The following PLEKHA8 variants were observed in gnomAD, a reference collection of about 807,000 sequenced individuals.
The protein encoded by PLEKHA8 is pleckstrin homology domain-containing family A member 8.
A neutral mutation model predicts 68.2 loss-of-function variants in PLEKHA8; 36 were observed. The ratio of observed to expected loss-of-function variants is 0.53; its 90% CI spans 0.40 to 0.70. PLEKHA8 has a LOEUF of 0.70. Among genes scored for constraint, PLEKHA8 ranks in the 30% least tolerant of loss-of-function variants. The pLI, the probability that PLEKHA8 is intolerant of heterozygous loss-of-function variation, is 0.00. For synonymous variants in PLEKHA8, 211 were observed against 216.1 expected (o/e 0.98, Z 0.20); for missense variants, 505 against 615.4 (o/e 0.82, Z 1.90).
intron 1 of PLEKHA8, among the ~76,000 whole-genome samples, chr7:30,043,060 G>A (rs914211964): frequency 1.7e-4 from 26 of 151,934 alleles, no homozygotes; most frequent in Non-Finnish European, 3.2e-4. Flanking sequence ...GGAGTGCAGT[G>A]GCACAGTCAT....
At chr7:30,064,632 A>G (rs1793691248) in intron 12 of PLEKHA8, among the ~76,000 whole-genome samples, 1 of 152,224 alleles carries the variant, frequency 6.6e-6, no homozygotes, top group Non-Finnish European at 1.5e-5. Context: ...TGTCATCATT[A>G]TCATAATCAT....
In PLEKHA8 at chr7:30,082,339, T is replaced by C; in HGVS notation, c.*3552T>C. The stretch of plus-strand genomic sequence containing the variant: ...CCAAATCTACCCCCACTTATGTTTG[T>C]TCTGCCCCATTTCCCAGGAGCAGCT... On this transcript the variant is annotated 3_prime_UTR_variant, in exon 14 of 14. Coordinates refer to ENST00000449726, the MANE Select transcript of PLEKHA8 (RefSeq NM_001197026.2). 1 of 985,492 alleles carries C rather than the reference T, an allele frequency of 1.0e-6. No homozygotes were observed. Among genetic ancestry groups the C allele is most frequent in the Non-Finnish European group, 1.2e-6 (1 of 829,994 alleles). The allele number at this position is 985,492 out of a possible 1,614,324, so 61.0% of individuals were successfully genotyped here. A position where few individuals can be genotyped will look rare whatever the true frequency, so the allele number is the denominator to read the frequency against.
rs1790374173 is a variant in PLEKHA8, at chr7:30,028,485, C to T, written c.-278C>T. 2.9e-6 allele frequency: 1 copy of T among 346,328 alleles called. No individual in the cohort carries two copies. Among genetic ancestry groups the T allele is most frequent in the Non-Finnish European group, 5.2e-6 (1 of 192,606 alleles). The allele number at this position is 346,328 out of a possible 1,614,324, so 21.5% of individuals were successfully genotyped here. A position where few individuals can be genotyped will look rare whatever the true frequency, so the allele number is the denominator to read the frequency against. On this transcript the variant is annotated 5_prime_UTR_variant, in exon 1 of 14. Transcript: ENST00000449726. The stretch of plus-strand genomic sequence containing the variant: ...GGAGGCTTCGGCTGCCCCTCCGACC[C>T]ACGTAGGGCCCGGACCCGGGCCTCC...
intron 5 of PLEKHA8, 142 bp from the exon 6 acceptor site, chr7:30,050,292 A>C: frequency 9.8e-7 from 1 of 1,016,820 alleles, no homozygotes; most frequent in East Asian, 3.1e-5. Context: ...TTTTGGGAAG[A>C]CCTAAAATTG....
downstream of PLEKHA8, among the ~76,000 whole-genome samples, chr7:30,090,959 G>C (rs1304791405): frequency 6.6e-6 from 1 of 152,146 alleles, no homozygotes; most frequent in Non-Finnish European, 1.5e-5. Flanking sequence ...CAAGGAGTTT[G>C]AGACCAGCTT....
intron 13 of PLEKHA8, among the ~76,000 whole-genome samples, chr7:30,117,467 G>A (rs1163568481): frequency 6.6e-6 from 1 of 152,172 alleles, no homozygotes; most frequent in Non-Finnish European, 1.5e-5. Flanking sequence ...CACTTGGGGA[G>A]GCTGAGGTGG....
rs1794939820 is a variant in PLEKHA8 at position 30,081,743 on chromosome 7, G to T, written c.*2956G>T. Reference sequence around the variant, plus strand: ...AAGAAAAAGGAAATTGGTCTACTAGGTATTGTAGACACAAATAAGTAACAT... The same window carrying T: ...AAGAAAAAGGAAATTGGTCTACTAGTTATTGTAGACACAAATAAGTAACAT... On this transcript the variant is annotated 3_prime_UTR_variant, in exon 14 of 14. Transcript: ENST00000449726. 1.0e-6 allele frequency: 1 copy of T among 985,068 alleles called. No homozygotes were observed. Among genetic ancestry groups the T allele is most frequent in the South Asian group, 4.7e-5 (1 of 21,284 alleles). 61.0% of individuals were successfully genotyped at this position (985,068 alleles called of 1,614,324 possible).
intron 9 of PLEKHA8, among the ~76,000 whole-genome samples, chr7:30,056,312 C>CTCTCTCTCTCTCTATATATATA (rs796845171): frequency 4.2e-5 from 4 of 94,538 alleles, no homozygotes; most frequent in East Asian, 2.8e-4. Context: ...CTCTCTCTCT[C>CTCTCTCTCTCTCTATATATATA]TATATATATA....
intron 12 of PLEKHA8, among the ~76,000 whole-genome samples, chr7:30,068,562 T>G (rs913583316): frequency 2.6e-5 from 4 of 152,172 alleles, no homozygotes; most frequent in African/African-American, 9.7e-5. Flanking sequence ...TCTCTTAGGT[T>G]TTCTTTATCA....
downstream of PLEKHA8, among the ~76,000 whole-genome samples, chr7:30,093,048 C>T (rs1795477916): frequency 1.3e-5 from 2 of 152,112 alleles, no homozygotes; most frequent in South Asian, 2.1e-4. Context: ...GGTGAGGTTA[C>T]CAGATTTTCT....
intron 3 of PLEKHA8, among the ~76,000 whole-genome samples, chr7:30,046,808 G>A (rs1305476811): frequency 6.6e-6 from 1 of 152,156 alleles, no homozygotes; most frequent in Non-Finnish European, 1.5e-5. Flanking sequence ...TTGGATCAGG[G>A]TGTTTTCTGT....
chr7:30,100,537 C>T (rs752112691), intron 13 of PLEKHA8, among the ~76,000 whole-genome samples: 8 of 151,888 alleles, frequency 5.3e-5, no homozygotes, highest in East Asian at 3.9e-4. Context: ...GGCAACAGAG[C>T]GAGACTGTGT....
In PLEKHA8 at chr7:30,070,547, C is replaced by CTTT. The variant is rs34425647; in HGVS notation, c.1301-3510_1301-3508dup. On this transcript the variant is annotated intron_variant, in intron 12 of 13. Transcript: ENST00000449726. ...GGTTGGCATAGCAGCGAATCCAGAGCTTTTTTTTTTTTTTTTGAGACAGAG... is the reference window on the plus strand; with the variant it reads ...GGTTGGCATAGCAGCGAATCCAGAGCTTTTTTTTTTTTTTTTTTTGAGACAGAG... 3.1e-4 allele frequency among the ~76,000 whole-genome samples: 42 copies of CTTT among 137,334 alleles called. 1 individual carries two copies. Among genetic ancestry groups the CTTT allele is most frequent in the Middle Eastern group, 3.8e-3 (1 of 266 alleles). The allele number at this position is 137,334 out of a possible 152,430, so 90.1% of individuals were successfully genotyped here. A position where few individuals can be genotyped will look rare whatever the true frequency, so the allele number is the denominator to read the frequency against.
chr7:30,044,719 C>T (rs535681742), intron 1 of PLEKHA8, among the ~76,000 whole-genome samples: 86 of 152,200 alleles, frequency 5.7e-4, no homozygotes, highest in Middle Eastern at 3.4e-3. Flanking sequence ...CCTAATTATT[C>T]GTCTTAGAAA....
intron 13 of PLEKHA8, among the ~76,000 whole-genome samples, chr7:30,115,639 T>G (rs1364847137): frequency 6.6e-6 from 1 of 151,872 alleles, no homozygotes; most frequent in East Asian, 1.9e-4. Context: ...TACACATACA[T>G]GCACACATGT....
intron 5 of PLEKHA8, 35 bp downstream of exon 5, chr7:30,049,417 A>G (rs1311630787): frequency 5.6e-6 from 9 of 1,601,880 alleles, no homozygotes; most frequent in Non-Finnish European, 7.7e-6. Context: ...GCAACAAGGC[A>G]TCAAGAAAAG....
chr7:30,096,890 C>T (rs1392612888), intron 13 of PLEKHA8, among the ~76,000 whole-genome samples: 1 of 152,110 alleles, frequency 6.6e-6, no homozygotes, highest in Admixed American at 6.5e-5. Flanking sequence ...GGTTATTTTG[C>T]TCGTTAGTTG....
intron 6 of PLEKHA8, 197 bp downstream of exon 6, chr7:30,050,671 AGGGAAGAT>A: frequency 3.3e-6 from 2 of 601,822 alleles, no homozygotes; most frequent in Admixed American, 4.0e-5. Flanking sequence ...TAGCACTAAT[AGGGAAGAT>A]GTTGGCATTT....
At chr7:30,095,466 T>G (rs1179547620), downstream of PLEKHA8, among the ~76,000 whole-genome samples, 2 of 152,248 alleles carry the variant, frequency 1.3e-5, no homozygotes, top group African/African-American at 2.4e-5. Flanking sequence ...TTTCTCCCAT[T>G]CTGTAGGTTG....
Sources: allele counts gnomAD v4.1 joint callset (sites outside exome capture counted in the v4.1 genomes callset), GRCh38; gene constraint gnomAD v4.1.1; transcripts MANE v1.5; gene names NCBI Gene and HGNC (gene_info 2026-07-23, HGNC 2026-07-21).